CLCN4: variants seen among roughly 807,000 people sequenced by gnomAD.
The protein encoded by CLCN4 is Cl-/H+ antiporter 4, also known as H(+)/Cl(-) exchange transporter 4.
A neutral mutation model predicts 41.7 loss-of-function variants in CLCN4; 1 was observed. That is an observed-to-expected ratio of 0.02 (90% CI 0.01 to 0.11). The LOEUF is 0.11. CLCN4 is among the 10% of genes least tolerant of loss of function. The pLI, the probability that CLCN4 is intolerant of heterozygous loss-of-function variation, is 1.00. For synonymous variants in CLCN4, 277 were observed against 285.8 expected (o/e 0.97, Z 0.31); for missense variants, 287 against 661.0 (o/e 0.43, Z 6.20).
chrX:10,225,941 A>G (rs756417849), intron 12 of CLCN4, among the ~76,000 whole-genome samples: 1 of 111,340 alleles, frequency 9.0e-6, no homozygotes, highest in South Asian at 3.8e-4. Flanking sequence ...TGTTCCATTG[A>G]TCTATGTACC....
chrX:10,209,089 C>A (rs1241002397), intron 9 of CLCN4, among the ~76,000 whole-genome samples: 1 of 111,562 alleles, frequency 9.0e-6, no homozygotes, highest in East Asian at 2.9e-4. Context: ...GCACACAGCT[C>A]TGGGAGAAAG....
chrX:10,210,774 G>T (rs1468068660), intron 9 of CLCN4, among the ~76,000 whole-genome samples: 3 of 102,417 alleles, frequency 2.9e-5, no homozygotes, highest in Non-Finnish European at 5.9e-5. Flanking sequence ...TCCTGCCTCA[G>T]CCCACTGGGA....
chrX:10,217,867 C>T (rs1602163187), intron 11 of CLCN4, among the ~76,000 whole-genome samples: 2 of 110,568 alleles, frequency 1.8e-5, no homozygotes, highest in Non-Finnish European at 3.8e-5. Flanking sequence ...CTCAGCCTCC[C>T]GAGTAGATGG....
At chrX:10,188,509 A>G (rs934053829) in intron 4 of CLCN4, among the ~76,000 whole-genome samples, 1 of 112,128 alleles carries the variant, frequency 8.9e-6, no homozygotes, top group Admixed American at 9.4e-5. Context: ...AATGGATGCT[A>G]TCTGGAGGGG....
intron 2 of CLCN4, among the ~76,000 whole-genome samples, chrX:10,174,998 T>G (rs1311157146): frequency 8.9e-6 from 1 of 112,526 alleles, no homozygotes; most frequent in Admixed American, 9.4e-5. Flanking sequence ...AGTGTTTGGA[T>G]GCATCCGGAT....
At chrX:10,206,174 G>A (rs917828461) in intron 6 of CLCN4, among the ~76,000 whole-genome samples, 184 bp from the exon 7 acceptor site, 1 of 112,067 alleles carries the variant, frequency 8.9e-6, no homozygotes, top group Non-Finnish European at 1.9e-5. Context: ...GATTTACCAT[G>A]CATTGAGTTT....
chrX:10,179,582 T>A (rs913331900), intron 2 of CLCN4, among the ~76,000 whole-genome samples: 3 of 111,129 alleles, frequency 2.7e-5, no homozygotes, highest in African/African-American at 9.8e-5. Context: ...AGAAGCTCAG[T>A]TGGACCACCA....
chrX:10,203,821 G>T (rs1924302582), intron 6 of CLCN4, among the ~76,000 whole-genome samples: 1 of 111,900 alleles, frequency 8.9e-6, no homozygotes, highest in Admixed American at 9.5e-5. Context: ...GAGAACGACT[G>T]TAGTAGCTAT....
At chrX:10,220,550 C>A in intron 11 of CLCN4, 111 bp from the exon 12 acceptor site, 1 of 597,120 alleles carries the variant, frequency 1.7e-6, no homozygotes, top group Non-Finnish European at 2.8e-6. Flanking sequence ...GTGGTTCATC[C>A]TCCAAACCCC....
At position 10,234,149 on chromosome X, in the gene CLCN4, G is replaced by A. The variant is rs1365127802; in HGVS notation, c.*565G>A. ...TATGCCAGTGGGTCCGCTCACGACC[G>A]TCCTGTTTCTTGCTCCTGTTCTCAG... is the stretch of plus-strand genomic sequence containing the variant. On this transcript the variant is annotated 3_prime_UTR_variant, in exon 13 of 13. Transcript: ENST00000380833. 5.3e-5 allele frequency: 6 copies of A among 112,783 alleles called. No individual in the cohort carries two copies. The highest frequency in any genetic ancestry group is 9.4e-5 in the Admixed American group (1 of 10,634). 9.3% of individuals were successfully genotyped at this position (112,783 alleles called of 1,213,427 possible). A position where few individuals can be genotyped will look rare whatever the true frequency, so the allele number is the denominator to read the frequency against.
At position 10,171,517 on chromosome X, in the gene CLCN4, C is replaced by T. The variant is rs189659232; in HGVS notation, c.-12+12966C>T. ...AGGAAAGGAAGGCAGCCATTAGGGC[C>T]GGGCTGTTAATGTCACGCAATGGGC... On this transcript the variant is annotated intron_variant, in intron 2 of 12. Transcript: ENST00000380833. 8.8e-3 allele frequency among the ~76,000 whole-genome samples: 975 copies of T among 111,300 alleles called. 9 individuals carry two copies. The highest frequency in any genetic ancestry group is 0.03 in the African/African-American group (905 of 30,519).
At chrX:10,176,396 G>A (rs1923533525) in intron 2 of CLCN4, among the ~76,000 whole-genome samples, 1 of 112,967 alleles carries the variant, frequency 8.9e-6, no homozygotes, top group African/African-American at 3.2e-5. Context: ...TGGCTGCTCT[G>A]CTGTACAATG....
Position 10,206,770 on chromosome X carries a change from A to G in CLCN4, c.837A>G (p.Leu279=), listed in dbSNP as rs757124687. 8.4e-7 allele frequency: 1 copy of G among 1,187,411 alleles called. No homozygotes were observed. Among genetic ancestry groups the G allele is most frequent in the Non-Finnish European group, 1.1e-6 (1 of 881,798 alleles). ...GAPIGGVLFS[L]EEVSYYFPLK... The stretch of plus-strand genomic sequence containing the variant: ...CAATTGGAGGCGTGCTTTTCAGTCT[A>G]GAAGAGGTGAGAATGGGCAGCTGAG... The change falls in exon 8 of 13, where the codon CTA becomes CTG. Residue 279 remains leucine, a synonymous_variant. Transcript: ENST00000380833.
intron 2 of CLCN4, among the ~76,000 whole-genome samples, chrX:10,184,459 C>T (rs1238696700): frequency 1.8e-5 from 2 of 111,788 alleles, no homozygotes; most frequent in Admixed American, 9.5e-5. Flanking sequence ...TGCTTCCACT[C>T]TCCTCCTGTC....
At chrX:10,216,919 A>ATATATATATATATATATATATG (rs1924737644) in intron 11 of CLCN4, among the ~76,000 whole-genome samples, 3 of 13,671 alleles carry the variant, frequency 2.2e-4, no homozygotes, top group Admixed American at 1.3e-3. Flanking sequence ...ATATATATAT[A>ATATATATATATATATATATATG]CACACACACA....
intron 4 of CLCN4, among the ~76,000 whole-genome samples, chrX:10,193,219 A>T (rs1398337696): frequency 9.0e-6 from 1 of 111,581 alleles, no homozygotes; most frequent in African/African-American, 3.3e-5. Context: ...AATCCAATAG[A>T]GTGTGCTATT....
intron 4 of CLCN4, among the ~76,000 whole-genome samples, chrX:10,188,919 A>G (rs757232933): frequency 1.8e-5 from 2 of 112,124 alleles, no homozygotes; most frequent in East Asian, 5.6e-4. Context: ...AGCTAAGAGG[A>G]ATGCTCAGAG....
chrX:10,191,954 A>C, intron 4 of CLCN4, among the ~76,000 whole-genome samples: 1 of 110,876 alleles, frequency 9.0e-6, no homozygotes, highest in Non-Finnish European at 1.9e-5. Context: ...CAAGACATGG[A>C]TGAGTAACTG....
intron 2 of CLCN4, among the ~76,000 whole-genome samples, chrX:10,183,701 G>C (rs1923741377): frequency 8.9e-6 from 1 of 112,278 alleles, no homozygotes; most frequent in Admixed American, 9.4e-5. Flanking sequence ...CTGATGGTGG[G>C]AGAATATGGG....
Sources: gnomAD v4.1 joint callset for allele counts (sites outside exome capture counted in the v4.1 genomes callset) on GRCh38, gnomAD v4.1.1 for gene constraint, MANE v1.5 for transcripts, NCBI Gene and HGNC (gene_info 2026-07-23, HGNC 2026-07-21) for gene names.